The following NIN variants were observed in gnomAD, a reference collection of about 807,000 sequenced individuals.
NIN encodes ninein, also known as glycogen synthase kinase 3 beta-interacting protein.
A neutral mutation model predicts 257.6 loss-of-function variants in NIN; 137 were observed. That is an observed-to-expected ratio of 0.53 (90% CI 0.46 to 0.61). The LOEUF (loss-of-function observed/expected upper bound fraction) is 0.61, where lower values mean the gene tolerates loss of function less well. Ranked by LOEUF, NIN falls within the 20% of genes least tolerant of loss-of-function variation. NIN has a pLI of 0.00. For synonymous variants in NIN, 918 were observed against 919.8 expected, an observed-to-expected ratio of 1.00 and a Z score of 0.04; for missense variants, 2,439 against 2,501.2, an observed-to-expected ratio of 0.98 and a Z score of 0.53.
In NIN at chr14:50,754,724, T is replaced by C; in HGVS notation, c.4664+18A>G. 1 of 1,581,292 alleles carries C rather than the reference T, an allele frequency of 6.3e-7. No individual in the cohort carries two copies. Among genetic ancestry groups the C allele is most frequent in the Non-Finnish European group, 8.6e-7 (1 of 1,162,202 alleles). ...TCTTTGCAAAAATGTCTTAGGAAAATGTAAGTATACGTCTTACCACATTTC... is the reference window on the plus strand; with the variant it reads ...TCTTTGCAAAAATGTCTTAGGAAAACGTAAGTATACGTCTTACCACATTTC... On this transcript the variant is annotated intron_variant, in intron 19 of 30. Coordinates refer to ENST00000530997, the MANE Select transcript of NIN (RefSeq NM_020921.4).
rs1049647439 is a variant in NIN, at chr14:50,752,790, A to T, written c.4735-57T>A. The T allele has an allele frequency of 5.1e-6, 5 of 983,332 alleles. No homozygotes were observed. The African/African-American group carries it at 8.4e-5, about 16-fold the overall frequency. The allele number at this position is 983,332 out of a possible 1,614,324, so 60.9% of individuals were successfully genotyped here. A position where few individuals can be genotyped will look rare whatever the true frequency, so the allele number is the denominator to read the frequency against. On this transcript the variant is annotated intron_variant, in intron 20 of 30. Coordinates refer to ENST00000530997, the MANE Select transcript of NIN (RefSeq NM_020921.4). ...TGTTACCCTACTTGTGCTAAAAAAA[A>T]AAAAAAACAGATTTAGAGACATAAT...
chr14:50,810,160 G>A (rs1163436389), intron 3 of NIN, among the ~76,000 whole-genome samples: 1 of 151,766 alleles, frequency 6.6e-6, no homozygotes, highest in Non-Finnish European at 1.5e-5. Context: ...GAACCCGGGA[G>A]GCGGAGCTTG....
chr14:50,796,583 C>T (rs12881609), intron 4 of NIN, among the ~76,000 whole-genome samples: 79,347 of 152,116 alleles, frequency 0.52, 22,825 homozygotes, highest in East Asian at 0.83. Context: ...TAATGTTCCC[C>T]TTCCAAATCA....
intron 4 of NIN, among the ~76,000 whole-genome samples, chr14:50,804,354 A>T (rs2044228847): frequency 6.6e-6 from 1 of 152,234 alleles, no homozygotes; most frequent in African/African-American, 2.4e-5. Context: ...AGGCTGACTC[A>T]TGTCTCAAAG....
intron 3 of NIN, among the ~76,000 whole-genome samples, chr14:50,817,503 T>G (rs1381396514): frequency 1.3e-5 from 2 of 152,196 alleles, no homozygotes; most frequent in Non-Finnish European, 2.9e-5. Context: ...AGCTATCAAA[T>G]TTTAATACTA....
At chr14:50,799,527 A>G (rs2043990535) in intron 4 of NIN, among the ~76,000 whole-genome samples, 1 of 152,224 alleles carries the variant, frequency 6.6e-6, no homozygotes, top group African/African-American at 2.4e-5. Flanking sequence ...GTCACCTCAG[A>G]AACTGGAGCT....
chr14:50,823,150 T>C (rs1221244348), intron 2 of NIN: 1 of 530,864 alleles, frequency 1.9e-6, no homozygotes, highest in Non-Finnish European at 3.8e-6. Context: ...ACTAATGAAA[T>C]CTGTGGTTTT....
intron 27 of NIN, among the ~76,000 whole-genome samples, chr14:50,736,708 G>C (rs1466402664): frequency 6.6e-6 from 1 of 152,150 alleles, no homozygotes; most frequent in Non-Finnish European, 1.5e-5. Flanking sequence ...AAGTTTACTT[G>C]AATGTACCTG....
At chr14:50,753,540 T>A (rs1184285312) in intron 20 of NIN, among the ~76,000 whole-genome samples, 3 of 152,264 alleles carry the variant, frequency 2.0e-5, no homozygotes, top group Non-Finnish European at 4.4e-5. Flanking sequence ...ATAAAGTTTT[T>A]AAAATCATTA....
intron 6 of NIN, 21 bp from the exon 7 acceptor site, chr14:50,777,160 G>A (rs1352472009): frequency 1.3e-6 from 2 of 1,549,328 alleles, no homozygotes; most frequent in Non-Finnish European, 1.7e-6. Context: ...AGCATATGTT[G>A]CACGGTTTCC....
intron 14 of NIN, 61 bp from the exon 15 acceptor site, chr14:50,764,025 C>A (rs2042378523): frequency 2.8e-6 from 4 of 1,436,124 alleles, no homozygotes; most frequent in Admixed American, 1.8e-5. Flanking sequence ...GCAACAACAA[C>A]AACAAAAAAG....
At chr14:50,787,461 C>A (rs941541270) in intron 5 of NIN, among the ~76,000 whole-genome samples, 1 of 152,226 alleles carries the variant, frequency 6.6e-6, no homozygotes, top group African/African-American at 2.4e-5. Context: ...CTTACTCTCA[C>A]TTGTTTCTTA....
intron 30 of NIN, among the ~76,000 whole-genome samples, chr14:50,725,527 C>T (rs1423026738): frequency 6.6e-6 from 1 of 151,850 alleles, no homozygotes; most frequent in African/African-American, 2.4e-5. Context: ...ATTTATTATC[C>T]CCCTATTTTT....
chr14:50,723,088 T>C lies in NIN; in HGVS notation c.*375A>G. The C allele has an allele frequency of 4.3e-6, 1 of 232,396 alleles. No individual in the cohort carries two copies. The highest frequency in any genetic ancestry group is 8.5e-6 in the Non-Finnish European group (1 of 118,010). The allele number at this position is 232,396 out of a possible 1,614,324, so 14.4% of individuals were successfully genotyped here. A position where few individuals can be genotyped will look rare whatever the true frequency, so the allele number is the denominator to read the frequency against. Reference sequence around the variant, plus strand: ...AAAATAAAGTTTATAACAACCATTCTCATCAGATCTCAAACTTCAAATATC... The same window carrying C: ...AAAATAAAGTTTATAACAACCATTCCCATCAGATCTCAAACTTCAAATATC... On this transcript the variant is annotated 3_prime_UTR_variant, in exon 31 of 31. Coordinates refer to ENST00000530997, the MANE Select transcript of NIN (RefSeq NM_020921.4).
rs938434607 is a variant in NIN, at chr14:50,756,940, G to A, written c.4090C>T (p.Leu1364Phe). Residue 1364 changes from leucine to phenylalanine, a missense_variant, in exon 18 of 31, where the codon CTC becomes TTC. Transcript: ENST00000530997. ...TCTTCCAGTGTCTGATTGAGCTGGAGTATATTTCCATCAGGTTCGATTTCC... is the reference window on the plus strand; with the variant it reads ...TCTTCCAGTGTCTGATTGAGCTGGAATATATTTCCATCAGGTTCGATTTCC... ...NLEIEPDGNILQLNQTLEECV... is the reference protein window; with the variant it reads ...NLEIEPDGNIFQLNQTLEECV... 2 of 1,586,778 alleles carry A rather than the reference G, an allele frequency of 1.3e-6. No homozygotes were observed. Among genetic ancestry groups the A allele is most frequent in the Non-Finnish European group, 1.7e-6 (2 of 1,164,794 alleles).
rs994644093 is a variant in NIN at position 50,724,000 on chromosome 14, T to C, written c.6193-328A>G. ...ATTCTTTAAAAATATCAAATACTTT[T>C]ATAACTTAAATTCCTGAGGTGTCAG... On this transcript the variant is annotated intron_variant, in intron 30 of 30. Coordinates refer to ENST00000530997, the MANE Select transcript of NIN (RefSeq NM_020921.4). 2.5e-5 allele frequency: 7 copies of C among 276,164 alleles called. No homozygotes were observed. The East Asian group carries it at 3.4e-4, about 13-fold the overall frequency. 17.1% of individuals were successfully genotyped at this position (276,164 alleles called of 1,614,324 possible).
At chr14:50,811,517 T>A in intron 3 of NIN, among the ~76,000 whole-genome samples, 1 of 137,920 alleles carries the variant, frequency 7.3e-6, no homozygotes, top group African/African-American at 2.6e-5. Context: ...ATGATAAAAC[T>A]AAAATTTTAA....
chr14:50,733,453 T>C (rs1390382062), intron 28 of NIN, among the ~76,000 whole-genome samples: 2 of 152,196 alleles, frequency 1.3e-5, no homozygotes, highest in Non-Finnish European at 2.9e-5. Context: ...AGATGTTCTT[T>C]TCAGTGTTCA....
At chr14:50,807,654 T>C (rs565984522) in intron 3 of NIN, among the ~76,000 whole-genome samples, 47 of 152,206 alleles carry the variant, frequency 3.1e-4, no homozygotes, top group Non-Finnish European at 5.6e-4. Flanking sequence ...TGTTCTGCTA[T>C]GGGATGGGTC....
Sources: gnomAD v4.1 joint callset for allele counts (sites outside exome capture counted in the v4.1 genomes callset) on GRCh38, gnomAD v4.1.1 for gene constraint, MANE v1.5 for transcripts, NCBI Gene and HGNC (gene_info 2026-07-23, HGNC 2026-07-21) for gene names.